The following MYO10 variants were observed in gnomAD, a reference collection of about 807,000 sequenced individuals.
MYO10 encodes unconventional myosin-X.
A neutral mutation model predicts 257.3 loss-of-function variants in MYO10; 133 were observed. That is an observed-to-expected ratio of 0.52 (90% confidence interval 0.45 to 0.60). MYO10 has a LOEUF of 0.60. Among genes scored for constraint, MYO10 ranks in the 20% least tolerant of loss-of-function variants. The pLI, the probability that MYO10 is intolerant of heterozygous loss-of-function variation, is 0.00. For missense variants in MYO10, 2,399 were observed against 2,635.7 expected, an observed-to-expected ratio of 0.91 and a Z score of 1.97; for synonymous variants, 1,104 against 1,028.6, an observed-to-expected ratio of 1.07 and a Z score of -1.40.
chr5:16,721,485 G>C (rs1739150293), intron 19 of MYO10, among the ~76,000 whole-genome samples: 1 of 152,040 alleles, frequency 6.6e-6, no homozygotes, highest in African/African-American at 2.4e-5. Flanking sequence ...CTTACACAGT[G>C]GTTGCTACTT....
intron 2 of MYO10, among the ~76,000 whole-genome samples, chr5:16,876,111 T>C (rs1347501982): frequency 2.6e-5 from 4 of 152,142 alleles, no homozygotes; most frequent in African/African-American, 9.7e-5. Flanking sequence ...AGAATCCATC[T>C]CAGAAAATAA....
At chr5:16,856,795 T>C (rs1418339631) in intron 2 of MYO10, among the ~76,000 whole-genome samples, 1 of 152,052 alleles carries the variant, frequency 6.6e-6, no homozygotes, top group Admixed American at 6.5e-5. Context: ...GAGTGAGTGG[T>C]TCTTAAAAGT....
At chr5:16,869,555 C>G (rs1234477760) in intron 2 of MYO10, among the ~76,000 whole-genome samples, 2 of 152,024 alleles carry the variant, frequency 1.3e-5, no homozygotes, top group African/African-American at 2.4e-5. Context: ...GATGACAGAG[C>G]AAGACCCTGT....
At chr5:16,778,688 GTTTTTTTT>G (rs55880979) in intron 9 of MYO10, among the ~76,000 whole-genome samples, 1 of 107,548 alleles carries the variant, frequency 9.3e-6, no homozygotes. Flanking sequence ...CTTTGCTGAG[GTTTTTTTT>G]TTTTTTTTTT....
intron 2 of MYO10, among the ~76,000 whole-genome samples, chr5:16,875,042 C>A (rs2562337): frequency 6.6e-6 from 1 of 152,042 alleles, no homozygotes; most frequent in Admixed American, 6.5e-5. Context: ...TTTGCTATCA[C>A]AAGAATAGCA....
At chr5:16,850,115 C>T (rs1476685211) in intron 2 of MYO10, among the ~76,000 whole-genome samples, 8 of 152,168 alleles carry the variant, frequency 5.3e-5, no homozygotes, top group Admixed American at 5.2e-4. Flanking sequence ...TTGGTCTACA[C>T]TGATATCCTT....
At chr5:16,871,997 T>C (rs905018071) in intron 2 of MYO10, among the ~76,000 whole-genome samples, 5 of 152,190 alleles carry the variant, frequency 3.3e-5, no homozygotes, top group Non-Finnish European at 2.9e-5. Flanking sequence ...TAAGTACACA[T>C]TATCATAGTT....
chr5:16,695,413 A>G (rs1737702696), intron 26 of MYO10, among the ~76,000 whole-genome samples: 1 of 152,206 alleles, frequency 6.6e-6, no homozygotes, highest in Non-Finnish European at 1.5e-5. Context: ...TCCAGGGTTG[A>G]CTGATAAAGT....
chr5:16,885,905 A>G (rs373111806), intron 1 of MYO10, among the ~76,000 whole-genome samples: 14 of 152,284 alleles, frequency 9.2e-5, no homozygotes, highest in African/African-American at 2.6e-4. Context: ...CCAGTCCCCA[A>G]GCATCCCTGG....
rs1561158360 is a variant in MYO10, at chr5:16,663,325, G to GTT, written c.*3365_*3366dup. The GTT allele has an allele frequency of 2.4e-4, 10 of 41,314 alleles. No individual in the cohort carries two copies. The highest frequency in any genetic ancestry group is 3.0e-4 in the Non-Finnish European group (7 of 23,528). The allele number at this position is 41,314 out of a possible 1,614,324, so 2.6% of individuals were successfully genotyped here. On this transcript the variant is annotated 3_prime_UTR_variant, in exon 41 of 41. Coordinates refer to ENST00000513610, the MANE Select transcript of MYO10 (RefSeq NM_012334.3). ...GGAAAAAAGTAACATTTTACTTCTA[G>GTT]TTGTTTTTTTTTTTTTTTTTTTTTT...
chr5:16,695,419 A>G (rs1737703095), intron 26 of MYO10, among the ~76,000 whole-genome samples: 1 of 152,232 alleles, frequency 6.6e-6, no homozygotes, highest in Admixed American at 6.5e-5. Flanking sequence ...GTTGACTGAT[A>G]AAGTCTAACT....
chr5:16,708,682 C>A (rs1738456848), intron 21 of MYO10, among the ~76,000 whole-genome samples: 1 of 152,156 alleles, frequency 6.6e-6, no homozygotes, highest in Non-Finnish European at 1.5e-5. Flanking sequence ...CCACTCTAGC[C>A]ACGCGAGTAG....
intron 19 of MYO10, among the ~76,000 whole-genome samples, chr5:16,726,045 C>G (rs1739354878): frequency 6.6e-6 from 1 of 152,150 alleles, no homozygotes; most frequent in African/African-American, 2.4e-5. Flanking sequence ...CTCAGCCTCC[C>G]AAAGTGCTGG....
chr5:16,864,011 T>C (rs1425604802), intron 2 of MYO10, among the ~76,000 whole-genome samples: 1 of 152,118 alleles, frequency 6.6e-6, no homozygotes, highest in Non-Finnish European at 1.5e-5. Flanking sequence ...GGTGGGGGGA[T>C]TGCTTTAGCC....
intron 2 of MYO10, among the ~76,000 whole-genome samples, chr5:16,822,935 C>G (rs1004743540): frequency 4.6e-5 from 7 of 151,832 alleles, no homozygotes; most frequent in Non-Finnish European, 8.8e-5. Flanking sequence ...GATCCGCCCG[C>G]CTCGGCCTCC....
chr5:16,681,980 C>G lies in MYO10; in HGVS notation c.4080G>C (p.Arg1360=). 1.2e-6 allele frequency: 2 copies of G among 1,613,776 alleles called. No homozygotes were observed. Among genetic ancestry groups the G allele is most frequent in the Non-Finnish European group, 8.5e-7 (1 of 1,179,876 alleles). Residue 1360 remains arginine, a synonymous_variant, in exon 31 of 41, where the codon CGG becomes CGC. Coordinates refer to ENST00000513610, the MANE Select transcript of MYO10 (RefSeq NM_012334.3). ...GCGTGTCGGCGTTGCAGTGCAGCAC[C>G]CGGTTGGCCGTGATGATCACAAACG... is the stretch of plus-strand genomic sequence containing the variant. ...PNSFVIITAN[R]VLHCNADTPE...
At chr5:16,724,798 T>C (rs1379750802) in intron 19 of MYO10, among the ~76,000 whole-genome samples, 2 of 152,094 alleles carry the variant, frequency 1.3e-5, no homozygotes, top group Non-Finnish European at 1.5e-5. Flanking sequence ...TACATACACA[T>C]ACATACATAT....
intron 19 of MYO10, among the ~76,000 whole-genome samples, chr5:16,714,174 T>A (rs1229967892): frequency 6.6e-6 from 1 of 152,080 alleles, no homozygotes; most frequent in African/African-American, 2.4e-5. Context: ...TATTAAACTA[T>A]AATTAAAGAT....
chr5:16,756,804 A>G (rs767047191), intron 18 of MYO10, among the ~76,000 whole-genome samples: 1 of 152,054 alleles, frequency 6.6e-6, no homozygotes, highest in Non-Finnish European at 1.5e-5. Flanking sequence ...AGTCTCAAAC[A>G]TTTCAAAAAC....
Sources: allele counts gnomAD v4.1 joint callset (sites outside exome capture counted in the v4.1 genomes callset), GRCh38; gene constraint gnomAD v4.1.1; transcripts MANE v1.5; gene names NCBI Gene and HGNC (gene_info 2026-07-23, HGNC 2026-07-21).